HNF4G: variants seen among roughly 807,000 people sequenced by gnomAD.
HNF4G encodes hepatocyte nuclear factor 4-gamma.
A neutral mutation model predicts 50.9 loss-of-function variants in HNF4G; 21 were observed. That is an observed-to-expected ratio of 0.41 (90% confidence interval 0.29 to 0.59). HNF4G has a LOEUF of 0.59. HNF4G is among the 20% of genes least tolerant of loss of function. The pLI is 0.26. For synonymous variants in HNF4G, 198 were observed against 185.6 expected, an observed-to-expected ratio of 1.07 and a Z score of -0.54; for missense variants, 527 against 559.4, an observed-to-expected ratio of 0.94 and a Z score of 0.58.
chr8:75,538,487 G>A (rs1345487956), upstream of HNF4G, among the ~76,000 whole-genome samples: 5 of 152,056 alleles, frequency 3.3e-5, no homozygotes, highest in Non-Finnish European at 7.4e-5. Context: ...GTATTGGTTA[G>A]TTATTTCATA....
upstream of HNF4G, among the ~76,000 whole-genome samples, chr8:75,538,512 TG>T (rs772228618): frequency 1.3e-5 from 2 of 152,214 alleles, no homozygotes; most frequent in Non-Finnish European, 2.9e-5. Flanking sequence ...AGAAAGTTTG[TG>T]GGCTCTGCAC....
chr8:75,505,741 A>C (rs1813063028), intron 2 of HNF4G, among the ~76,000 whole-genome samples: 1 of 151,700 alleles, frequency 6.6e-6, no homozygotes, highest in African/African-American at 2.4e-5. Flanking sequence ...GGAATTCTTG[A>C]CACTTTTGTC....
At position 75,560,463 on chromosome 8, in the gene HNF4G, A is replaced by T; in HGVS notation, c.1243A>T (p.Ile415Phe). 1 of 1,609,504 alleles carries T rather than the reference A, an allele frequency of 6.2e-7. No individual in the cohort carries two copies. Among genetic ancestry groups the T allele is most frequent in the South Asian group, 1.1e-5 (1 of 89,726 alleles). ...GTCAACACTGGTTCATGCAGACCAG[A>T]TCTGTAAGTTTATAGACTACTTTTC... ...PMSTLVHADQ[I>F]STPETPLPSP... Residue 415 changes from isoleucine to phenylalanine, a missense_variant, in exon 9 of 10, where the codon ATC becomes TTC. Around this residue, in one of 5 missense-constraint regions of HNF4G, gnomAD observed 308 missense variants for 301.5 expected, o/e 1.02. Transcript: ENST00000396423.
intron 1 of HNF4G, among the ~76,000 whole-genome samples, chr8:75,426,037 C>A (rs1810884340): frequency 6.6e-6 from 1 of 152,140 alleles, no homozygotes; most frequent in African/African-American, 2.4e-5. Flanking sequence ...ATTACACTAT[C>A]ATTTAAAAGG....
chr8:75,520,729 C>T (rs1271144977), intron 2 of HNF4G, among the ~76,000 whole-genome samples: 5 of 152,072 alleles, frequency 3.3e-5, no homozygotes, highest in East Asian at 3.9e-4. Context: ...TGCACCACCA[C>T]GCCCAGCCTA....
chr8:75,502,703 G>A (rs997272797), intron 2 of HNF4G, among the ~76,000 whole-genome samples: 4 of 152,092 alleles, frequency 2.6e-5, no homozygotes, highest in African/African-American at 9.7e-5. Flanking sequence ...ATATATTGTT[G>A]GAGTGTGTGT....
At chr8:75,524,656 A>C (rs1354988110) in intron 2 of HNF4G, among the ~76,000 whole-genome samples, 3 of 152,156 alleles carry the variant, frequency 2.0e-5, no homozygotes, top group Admixed American at 1.3e-4. Context: ...AACGTACTGA[A>C]AGGCAATATT....
intron 2 of HNF4G, among the ~76,000 whole-genome samples, chr8:75,504,273 A>C (rs1037126763): frequency 3.4e-5 from 5 of 147,834 alleles, no homozygotes; most frequent in Non-Finnish European, 7.5e-5. Flanking sequence ...ACACACACAC[A>C]CACCAAAAAC....
chr8:75,435,423 C>T lies in HNF4G; in HGVS notation c.-144+27261C>T, dbSNP rs536762179. On this transcript the variant is annotated intron_variant, in intron 1 of 10. Coordinates refer to the HNF4G transcript ENST00000354370. ...CTATCTTTACTATAATAAAGTGCAGCTATCGAACTTTTTTACTAAATATCT... is the reference window on the plus strand; with the variant it reads ...CTATCTTTACTATAATAAAGTGCAGTTATCGAACTTTTTTACTAAATATCT... Among the ~76,000 whole-genome samples the T allele has an allele frequency of 5.4e-4, 82 of 152,220 alleles. 1 individual carries two copies. In the South Asian group the frequency reaches 0.013, roughly 24 times the overall value.
intron 1 of HNF4G, among the ~76,000 whole-genome samples, chr8:75,414,506 T>G (rs1356428707): frequency 2.6e-5 from 4 of 152,138 alleles, no homozygotes; most frequent in Non-Finnish European, 5.9e-5. Context: ...CTCCAAAGGT[T>G]TTCTAAAGCT....
intron 2 of HNF4G, among the ~76,000 whole-genome samples, chr8:75,528,060 T>C (rs1806228609): frequency 6.6e-6 from 1 of 152,210 alleles, no homozygotes; most frequent in Admixed American, 6.5e-5. Flanking sequence ...GAGTGCATAA[T>C]TGTGCATTTT....
At chr8:75,492,902 G>A (rs897438618) in intron 2 of HNF4G, among the ~76,000 whole-genome samples, 1 of 152,076 alleles carries the variant, frequency 6.6e-6, no homozygotes, top group Non-Finnish European at 1.5e-5. Context: ...TTTTGGAGCA[G>A]GGAGAGTGCA....
chr8:75,456,342 A>G (rs887752225), intron 1 of HNF4G, among the ~76,000 whole-genome samples: 1 of 152,196 alleles, frequency 6.6e-6, no homozygotes, highest in African/African-American at 2.4e-5. Flanking sequence ...CTGAGATGTA[A>G]CACAGTTTGA....
chr8:75,470,376 T>C (rs546125751), intron 1 of HNF4G, among the ~76,000 whole-genome samples: 1 of 152,362 alleles, frequency 6.6e-6, no homozygotes, highest in Non-Finnish European at 1.5e-5. Flanking sequence ...TATATTTTTA[T>C]GGCAGGATTA....
intron 1 of HNF4G, among the ~76,000 whole-genome samples, chr8:75,440,048 G>A (rs1300755304): frequency 6.6e-6 from 1 of 151,858 alleles, no homozygotes; most frequent in Admixed American, 6.6e-5. Flanking sequence ...TGTACCATCA[G>A]AACATTATCT....
At chr8:75,555,581 A>G (rs1340945849) in intron 5 of HNF4G, among the ~76,000 whole-genome samples, 1 of 20,914 alleles carries the variant, frequency 4.8e-5, no homozygotes, top group South Asian at 8.5e-4. Context: ...GATTTTTTTT[A>G]TCTCTACTCC....
intron 1 of HNF4G, among the ~76,000 whole-genome samples, chr8:75,458,251 G>T (rs1395650081): frequency 6.6e-6 from 1 of 151,892 alleles, no homozygotes; most frequent in Non-Finnish European, 1.5e-5. Context: ...ATAAGAGAGG[G>T]TTAAATACCC....
At chr8:75,560,038 T>G (rs1807261389) in intron 8 of HNF4G, among the ~76,000 whole-genome samples, 1 of 152,112 alleles carries the variant, frequency 6.6e-6, no homozygotes, top group Admixed American at 6.6e-5. Flanking sequence ...TACTATAAAC[T>G]TGAGGTAAGT....
rs1309578119 is a variant in HNF4G at position 75,558,600 on chromosome 8, A to G, written c.816A>G (p.Arg272=). 5.0e-6 allele frequency: 8 copies of G among 1,613,964 alleles called. No homozygotes were observed. Among genetic ancestry groups the G allele is most frequent in the Non-Finnish European group, 6.8e-6 (8 of 1,179,872 alleles). The change falls in exon 7 of 10, where the codon AGA becomes AGG. Residue 272 remains arginine (R), a synonymous_variant. Coordinates refer to ENST00000396423, the MANE Select transcript of HNF4G (RefSeq NM_004133.5). ...ATCGTGTTCTAGATGAGCTGGTTAG[A>G]CCATTTCAAGAAATCCAGATTGATG... ...VANRVLDELV[R]PFQEIQIDDN... is the part of the protein sequence containing the mutation.
Sources: allele counts gnomAD v4.1 joint callset (sites outside exome capture counted in the v4.1 genomes callset), GRCh38; gene constraint gnomAD v4.1.1; regional missense constraint gnomAD v4.1.1; transcripts MANE v1.5; gene names NCBI Gene and HGNC (gene_info 2026-07-23, HGNC 2026-07-21).